Variants in CEP128 observed in about 807,000 individuals in gnomAD.
CEP128 encodes centrosomal protein 128.
A neutral mutation model predicts 156.7 loss-of-function variants in CEP128; 132 were observed. That is an observed-to-expected ratio of 0.84 (90% CI 0.73 to 0.97). CEP128 has a LOEUF of 0.97. Among genes scored for constraint, CEP128 ranks in the 50% least tolerant of loss-of-function variants. CEP128 has a pLI of 0.00. For synonymous variants in CEP128, 469 were observed against 448.9 expected (o/e 1.04, Z -0.57); for missense variants, 1,252 against 1,281.9 (o/e 0.98, Z 0.36).
At chr14:80,602,637 G>T (rs1029705782) in intron 19 of CEP128, among the ~76,000 whole-genome samples, 2 of 152,136 alleles carry the variant, frequency 1.3e-5, no homozygotes, top group Admixed American at 6.5e-5. Flanking sequence ...GCCAGGCATG[G>T]TGGCATGCAC....
intron 8 of CEP128, among the ~76,000 whole-genome samples, chr14:80,881,140 G>A (rs1888534263): frequency 6.6e-6 from 1 of 151,540 alleles, no homozygotes; most frequent in South Asian, 2.1e-4. Context: ...TGAAAAGTTG[G>A]TTTTTTGAAA....
At chr14:80,712,617 G>A (rs987952980) in intron 19 of CEP128, among the ~76,000 whole-genome samples, 3 of 152,116 alleles carry the variant, frequency 2.0e-5, no homozygotes, top group African/African-American at 7.2e-5. Context: ...GTGGCTATCA[G>A]TTGGTAGCCA....
At chr14:80,633,462 A>G (rs749705457) in intron 19 of CEP128, among the ~76,000 whole-genome samples, 16 of 151,754 alleles carry the variant, frequency 1.1e-4, no homozygotes, top group Non-Finnish European at 2.9e-5. Flanking sequence ...TGTTTCTGTT[A>G]TGGCCTGCCT....
At chr14:80,856,765 C>CTGTCACCCAGGCTGGA (rs1887195549) in intron 9 of CEP128, among the ~76,000 whole-genome samples, 1 of 106,644 alleles carries the variant, frequency 9.4e-6, no homozygotes, top group Non-Finnish European at 1.7e-5. Flanking sequence ...GGGTCTCAAT[C>CTGTCACCCAGGCTGGA]TGTCACCCAG....
intron 23 of CEP128, among the ~76,000 whole-genome samples, chr14:80,524,434 A>G (rs1165638375): frequency 6.6e-6 from 1 of 152,180 alleles, no homozygotes. Flanking sequence ...CATTTTCTTC[A>G]GGATGTCAGT....
In CEP128 at chr14:80,909,371, TCACACACACA is replaced by T. The variant is rs36082524; in HGVS notation, c.235-3300_235-3291del. The stretch of plus-strand genomic sequence containing the variant: ...AAAAGCTCAGAAATAAAGTGAATTT[TCACACACACA>T]CACACACACACACACACACACACGC... On this transcript the variant is annotated intron_variant, in intron 4 of 24. Coordinates refer to ENST00000555265, the MANE Select transcript of CEP128 (RefSeq NM_152446.5). Among the ~76,000 whole-genome samples, 83 of 142,430 alleles carry T rather than the reference TCACACACACA, an allele frequency of 5.8e-4. 1 individual carries two copies. In the South Asian group the frequency reaches 0.013, roughly 23 times the overall value. The allele number at this position is 142,430 out of a possible 152,430, so 93.4% of individuals were successfully genotyped here. A position where few individuals can be genotyped will look rare whatever the true frequency, so the allele number is the denominator to read the frequency against.
intron 13 of CEP128, among the ~76,000 whole-genome samples, chr14:80,819,346 A>G (rs979713284): frequency 7.0e-6 from 1 of 143,278 alleles, no homozygotes; most frequent in African/African-American, 2.6e-5. Flanking sequence ...TCCCGGGTTC[A>G]TGCCATTCTC....
At chr14:80,536,133 A>C (rs1313621206) in intron 21 of CEP128, among the ~76,000 whole-genome samples, 1 of 152,180 alleles carries the variant, frequency 6.6e-6, no homozygotes, top group Non-Finnish European at 1.5e-5. Flanking sequence ...ACTGCAGGGA[A>C]ACCAAATAAT....
chr14:80,691,410 G>T (rs1318787480), intron 19 of CEP128, among the ~76,000 whole-genome samples: 2 of 152,134 alleles, frequency 1.3e-5, no homozygotes, highest in Non-Finnish European at 2.9e-5. Flanking sequence ...CACTATTGGG[G>T]TTAGACTTTC....
intron 6 of CEP128, among the ~76,000 whole-genome samples, chr14:80,900,775 A>G (rs1001315981): frequency 2.0e-5 from 3 of 152,250 alleles, no homozygotes; most frequent in Non-Finnish European, 4.4e-5. Flanking sequence ...ACAAAAGATT[A>G]CAGTAGTATC....
At chr14:80,769,016 G>A (rs1043041019) in intron 16 of CEP128, among the ~76,000 whole-genome samples, 8 of 152,064 alleles carry the variant, frequency 5.3e-5, no homozygotes, top group African/African-American at 1.9e-4. Context: ...CAAGACAAAT[G>A]CCTGGAAATA....
intron 14 of CEP128, among the ~76,000 whole-genome samples, chr14:80,485,437 GA>G (rs1287953156): frequency 2.0e-5 from 3 of 152,006 alleles, no homozygotes; most frequent in Non-Finnish European, 4.4e-5. Flanking sequence ...AGTGAAATAT[GA>G]ATGAGTAATG....
intron 9 of CEP128, among the ~76,000 whole-genome samples, chr14:80,857,492 G>C (rs554290831): frequency 4.0e-5 from 6 of 151,884 alleles, no homozygotes; most frequent in African/African-American, 1.5e-4. Context: ...CAGCACTTTA[G>C]GAGGCCAAGG....
chr14:80,817,758 G>C (rs1359102779), intron 13 of CEP128, among the ~76,000 whole-genome samples: 1 of 152,044 alleles, frequency 6.6e-6, no homozygotes, highest in Non-Finnish European at 1.5e-5. Flanking sequence ...GCACGCGCCT[G>C]TAGTCCTGGC....
chr14:80,535,811 A>G (rs1889459005), intron 21 of CEP128, among the ~76,000 whole-genome samples: 1 of 152,242 alleles, frequency 6.6e-6, no homozygotes, highest in African/African-American at 2.4e-5. Context: ...TAGACTTACC[A>G]TGTTCTAATA....
intron 23 of CEP128, among the ~76,000 whole-genome samples, chr14:80,509,528 TAC>T (rs1317407265): frequency 9.2e-5 from 14 of 152,352 alleles, no homozygotes; most frequent in East Asian, 3.9e-4. Flanking sequence ...CCTTATGTAT[TAC>T]AGTTATTAAT....
chr14:80,540,930 G>A (rs965446922), intron 21 of CEP128, among the ~76,000 whole-genome samples: 3 of 152,154 alleles, frequency 2.0e-5, no homozygotes, highest in East Asian at 1.9e-4. Flanking sequence ...CTCACCCCAA[G>A]AGCATGCATT....
intron 18 of CEP128, among the ~76,000 whole-genome samples, chr14:80,751,907 A>C (rs1344703636): frequency 1.3e-5 from 2 of 152,176 alleles, no homozygotes. Context: ...CTGGGATTAC[A>C]AGTGTGAGCC....
At chr14:80,676,012 C>G (rs1045118499) in intron 19 of CEP128, among the ~76,000 whole-genome samples, 1 of 151,918 alleles carries the variant, frequency 6.6e-6, no homozygotes, top group African/African-American at 2.4e-5. Context: ...TTGTTCACTT[C>G]AGAATTTCTC....
Sources: allele counts gnomAD v4.1 joint callset (sites outside exome capture counted in the v4.1 genomes callset), GRCh38; gene constraint gnomAD v4.1.1; transcripts MANE v1.5; gene names NCBI Gene and HGNC (gene_info 2026-07-23, HGNC 2026-07-21).